The following GALNT8 variants were observed in gnomAD, a reference collection of about 807,000 sequenced individuals.
GALNT8 encodes the protein probable polypeptide N-acetylgalactosaminyltransferase 8.
A neutral mutation model predicts 62.7 loss-of-function variants in GALNT8; 66 were observed. The ratio of observed to expected loss-of-function variants is 1.05; its 90% CI spans 0.86 to 1.29. The LOEUF is 1.29. Ranked by LOEUF, GALNT8 falls within the 50% of genes most tolerant of loss-of-function variation. The pLI is 0.00. For missense variants in GALNT8, 771 were observed against 791.8 expected, an observed-to-expected ratio of 0.97 and a Z score of 0.32; for synonymous variants, 288 against 294.3, an observed-to-expected ratio of 0.98 and a Z score of 0.22.
Position 4,726,877 on chromosome 12 carries a change from G to A in GALNT8, c.509+48G>A, listed in dbSNP as rs368757888. Reference sequence around the variant, plus strand: ...TTCTAGGGTCCTCAGTTTGATTTGAGGATGAGCTTTGGGAGCAGTGAACAT... The same window carrying A: ...TTCTAGGGTCCTCAGTTTGATTTGAAGATGAGCTTTGGGAGCAGTGAACAT... On this transcript the variant is annotated intron_variant, in intron 2 of 10. Transcript: ENST00000252318. The surrounding 1 kb of genome is among the most constrained non-coding windows in gnomAD (Gnocchi z 4.1). 81 of 1,506,302 alleles carry A rather than the reference G, an allele frequency of 5.4e-5. No individual in the cohort carries two copies. In the Middle Eastern group the frequency reaches 8.9e-4, roughly 17 times the overall value. The allele number at this position is 1,506,302 out of a possible 1,614,324, so 93.3% of individuals were successfully genotyped here. A position where few individuals can be genotyped will look rare whatever the true frequency, so the allele number is the denominator to read the frequency against.
chr12:4,764,807 C>A (rs1946391347), intron 9 of GALNT8, among the ~76,000 whole-genome samples: 1 of 151,418 alleles, frequency 6.6e-6, no homozygotes, highest in Non-Finnish European at 1.5e-5. Context: ...CCACCTTGGC[C>A]TCCCAAAGTG....
At chr12:4,740,373 G>A (rs1342367072) in intron 3 of GALNT8, among the ~76,000 whole-genome samples, 6 of 151,722 alleles carry the variant, frequency 4.0e-5, no homozygotes, top group African/African-American at 9.7e-5. Context: ...AATTAAATGA[G>A]ATCATAATGG....
At chr12:4,721,263 G>A (rs1347756330) in intron 1 of GALNT8, among the ~76,000 whole-genome samples, 5 of 152,098 alleles carry the variant, frequency 3.3e-5, no homozygotes, top group Admixed American at 1.3e-4. Flanking sequence ...ACACCTGTGG[G>A]TGTTTCTCGT....
At chr12:4,762,746 G>A (rs548180975) in intron 7 of GALNT8, among the ~76,000 whole-genome samples, 1 of 152,290 alleles carries the variant, frequency 6.6e-6, no homozygotes, top group South Asian at 2.1e-4. Flanking sequence ...CATCATGCGT[G>A]GTCCATACCC....
intron 2 of GALNT8, among the ~76,000 whole-genome samples, chr12:4,729,058 A>C (rs1162645019): frequency 6.6e-6 from 1 of 152,154 alleles, no homozygotes; most frequent in Non-Finnish European, 1.5e-5. Flanking sequence ...GAGTTTTCAC[A>C]GTATAAGTTT....
chr12:4,764,138 G>GTGA, intron 9 of GALNT8, 91 bp downstream of exon 9: 1 of 787,136 alleles, frequency 1.3e-6, no homozygotes, highest in Non-Finnish European at 2.3e-6. Flanking sequence ...TCCGTGATAC[G>GTGA]TGATGGGGAG....
intron 10 of GALNT8, among the ~76,000 whole-genome samples, 183 bp downstream of exon 10, chr12:4,765,729 A>G (rs1946396975): frequency 6.6e-6 from 1 of 152,202 alleles, no homozygotes; most frequent in South Asian, 2.1e-4. Context: ...AAATTCTGCC[A>G]ACCATTCTAA....
intron 6 of GALNT8, among the ~76,000 whole-genome samples, chr12:4,756,883 C>A (rs1475625459): frequency 6.6e-6 from 1 of 152,172 alleles, no homozygotes; most frequent in Non-Finnish European, 1.5e-5. Context: ...GGCTTTGTGT[C>A]CGCACTCATA....
intron 6 of GALNT8, among the ~76,000 whole-genome samples, chr12:4,758,704 A>G (rs191712701): frequency 6.6e-6 from 1 of 151,054 alleles, no homozygotes; most frequent in East Asian, 1.9e-4. Flanking sequence ...GCAAGTGGGA[A>G]TAAATTTGGA....
chr12:4,750,884 A>G (rs771700157), intron 6 of GALNT8, among the ~76,000 whole-genome samples: 4 of 152,168 alleles, frequency 2.6e-5, no homozygotes, highest in African/African-American at 4.8e-5. Context: ...ACTATACTAC[A>G]GGGCTACAAC....
At chr12:4,751,779 T>TA (rs1314509544) in intron 6 of GALNT8, among the ~76,000 whole-genome samples, 1 of 152,170 alleles carries the variant, frequency 6.6e-6, no homozygotes, top group African/African-American at 2.4e-5. Context: ...TTGTCTATAG[T>TA]ACAGATTAAG....
chr12:4,720,787 T>C lies in GALNT8; in HGVS notation c.110T>C (p.Phe37Ser). The C allele has an allele frequency of 1.2e-6, 2 of 1,612,060 alleles. No homozygotes were observed. The highest frequency in any genetic ancestry group is 2.2e-5 in the South Asian group (2 of 91,052). ...FSSKGTLQNL[F>S]TGGLHRELPL... ...AGCAAGGGGACTTTACAAAACCTGT[T>C]TACGGGTGGTCTCCACAGGGAGCTT... The change falls in exon 1 of 11, where the codon TTT becomes TCT. Residue 37 changes from phenylalanine (F) to serine (S), a missense_variant. Phe to Ser is a radical substitution (Grantham distance 155). Coordinates refer to ENST00000252318, the MANE Select transcript of GALNT8 (RefSeq NM_017417.2).
At chr12:4,721,502 C>A (rs1259824885) in intron 1 of GALNT8, among the ~76,000 whole-genome samples, 1 of 152,082 alleles carries the variant, frequency 6.6e-6, no homozygotes, top group African/African-American at 2.4e-5. Context: ...GAACAAAGGT[C>A]TCTGCATCAT....
At chr12:4,737,923 G>A (rs1233797389) in intron 2 of GALNT8, among the ~76,000 whole-genome samples, 1 of 152,192 alleles carries the variant, frequency 6.6e-6, no homozygotes, top group Non-Finnish European at 1.5e-5. Context: ...AGAACCAGGA[G>A]CCAATAAGTT....
chr12:4,734,796 C>G (rs1017961294), intron 2 of GALNT8, among the ~76,000 whole-genome samples: 51 of 152,120 alleles, frequency 3.4e-4, no homozygotes, highest in African/African-American at 1.1e-3. Context: ...TATCTCTTGG[C>G]ACTACTACTA....
In GALNT8 at chr12:4,726,728, G is replaced by A; in HGVS notation, c.408G>A (p.Gln136=). 1 of 1,614,006 alleles carries A rather than the reference G, an allele frequency of 6.2e-7. No individual in the cohort carries two copies. The highest frequency in any genetic ancestry group is 8.5e-7 in the Non-Finnish European group (1 of 1,179,940). ...RQWGEDLSEA[Q]QKAAQDLFRK... is the part of the protein sequence containing the mutation. Reference sequence around the variant, plus strand: ...GGGGCGAGGATCTTTCTGAGGCCCAGCAGAAGGCGGCCCAGGACCTCTTCC... The same window carrying A: ...GGGGCGAGGATCTTTCTGAGGCCCAACAGAAGGCGGCCCAGGACCTCTTCC... The change falls in exon 2 of 11, where the codon CAG becomes CAA. Residue 136 remains glutamine, a synonymous_variant. Transcript: ENST00000252318. The surrounding 1 kb of genome is among the most constrained non-coding windows in gnomAD (Gnocchi z 4.1).
In GALNT8 at chr12:4,745,605, A is replaced by C. The variant is rs777911247; in HGVS notation, c.1037A>C (p.His346Pro). ...DALPQAWIDL[H>P]DVTAPVKSPS... ...CTGCCACAAGCCTGGATTGATCTGCATGATGTCACTGCCCCAGTGAAGTAA... is the reference window on the plus strand; with the variant it reads ...CTGCCACAAGCCTGGATTGATCTGCCTGATGTCACTGCCCCAGTGAAGTAA... Residue 346 changes from histidine (H) to proline (P), a missense_variant, in exon 5 of 11, where the codon CAT becomes CCT. By Grantham distance (77) the His-to-Pro change is moderately conservative. Coordinates refer to ENST00000252318, the MANE Select transcript of GALNT8 (RefSeq NM_017417.2). 6.2e-7 allele frequency: 1 copy of C among 1,613,798 alleles called. No individual in the cohort carries two copies.
intron 9 of GALNT8, 144 bp from the exon 10 acceptor site, chr12:4,765,235 A>G (rs1271938006): frequency 3.2e-6 from 2 of 633,626 alleles, no homozygotes; most frequent in African/African-American, 1.9e-5. Context: ...CATGTTGTCC[A>G]GGAAGGTTCA....
chr12:4,744,278 T>C (rs1034756333), intron 3 of GALNT8, among the ~76,000 whole-genome samples: 35 of 152,178 alleles, frequency 2.3e-4, no homozygotes, highest in African/African-American at 8.2e-4. Context: ...AGCAGTATTA[T>C]CATTTTAAGA....
Sources: allele counts gnomAD v4.1 joint callset (sites outside exome capture counted in the v4.1 genomes callset), GRCh38; gene constraint gnomAD v4.1.1; non-coding constraint Gnocchi (gnomAD v3.1); transcripts MANE v1.5; gene names NCBI Gene and HGNC (gene_info 2026-07-23, HGNC 2026-07-21).